DNAH8: variants seen among roughly 807,000 people sequenced by gnomAD.
DNAH8 encodes dynein axonemal heavy chain 8, also known as axonemal beta dynein heavy chain 8.
DNAH8 carries 382 observed loss-of-function variants against 562.1 expected under a neutral mutation model. The ratio of observed to expected loss-of-function variants is 0.68; its 90% CI spans 0.63 to 0.74. The LOEUF (loss-of-function observed/expected upper bound fraction) is 0.74. Ranked by LOEUF, DNAH8 falls within the 30% of genes least tolerant of loss-of-function variation. The probability of loss-of-function intolerance (pLI) is 0.00; values close to 1 mark genes in which losing one functional copy is unlikely to be tolerated. For missense variants in DNAH8, 5,203 were observed against 5,620.4 expected (o/e 0.93, Z 2.37); for synonymous variants, 1,881 against 1,919.4 (o/e 0.98, Z 0.52).
chr6:38,812,831 C>T (rs780613320), intron 24 of DNAH8, among the ~76,000 whole-genome samples: 10 of 152,142 alleles, frequency 6.6e-5, no homozygotes, highest in Admixed American at 2.6e-4. Context: ...AGGTAGTAAG[C>T]ATCTCTGAGC....
intron 11 of DNAH8, among the ~76,000 whole-genome samples, chr6:38,767,473 TAG>T (rs1767131369): frequency 6.6e-6 from 1 of 152,006 alleles, no homozygotes; most frequent in East Asian, 1.9e-4. Context: ...CTCTCTGCCC[TAG>T]CCCCTAGTAA....
chr6:38,958,406 T>A (rs1169389445), intron 82 of DNAH8, among the ~76,000 whole-genome samples: 1 of 115,898 alleles, frequency 8.6e-6, no homozygotes, highest in African/African-American at 2.9e-5. Context: ...AAAAAAGAGA[T>A]ATGACTGGAA....
At position 38,903,612 on chromosome 6, in the gene DNAH8, C is replaced by CTTTT. The variant is rs756414599; in HGVS notation, c.9195-2627_9195-2624dup. Among the ~76,000 whole-genome samples, 53 of 129,466 alleles carry CTTTT rather than the reference C, an allele frequency of 4.1e-4. 2 individuals carry two copies. The highest frequency in any genetic ancestry group is 5.0e-4 in the South Asian group (2 of 4,016). 84.9% of individuals were successfully genotyped at this position (129,466 alleles called of 152,430 possible). Reference sequence around the variant, plus strand: ...ATGTTTTCTTTTTCTTTCTTTCTTCCTTTTTTTTTTTTTTTTTTGAGAAGG... The same window carrying CTTTT: ...ATGTTTTCTTTTTCTTTCTTTCTTCCTTTTTTTTTTTTTTTTTTTTTTGAGAAGG... On this transcript the variant is annotated intron_variant, in intron 62 of 92. Transcript: ENST00000327475.
intron 52 of DNAH8, among the ~76,000 whole-genome samples, chr6:38,874,474 GTCC>G (rs2150442605): frequency 6.6e-6 from 1 of 151,202 alleles, no homozygotes; most frequent in East Asian, 2.0e-4. Context: ...GGCTCGAGCT[GTCC>G]TCCTGCCTTA....
At chr6:38,873,442 C>T in intron 52 of DNAH8, 66 bp downstream of exon 52, 3 of 1,399,164 alleles carry the variant, frequency 2.1e-6, no homozygotes, top group Non-Finnish European at 2.9e-6. Context: ...TTGCAGTTTA[C>T]AGCCATCTGA....
chr6:38,959,883 T>A (rs1265610336), intron 82 of DNAH8, among the ~76,000 whole-genome samples: 3 of 151,700 alleles, frequency 2.0e-5, no homozygotes, highest in Non-Finnish European at 2.9e-5. Flanking sequence ...AAAGCAATAG[T>A]AACCAAAACA....
intron 28 of DNAH8, 87 bp from the exon 29 acceptor site, chr6:38,826,069 A>G (rs1773292101): frequency 1.2e-6 from 1 of 806,880 alleles, no homozygotes. Flanking sequence ...GTTAGTGACT[A>G]CTGAATTGGA....
chr6:38,779,919 T>C, intron 14 of DNAH8, 47 bp from the exon 15 acceptor site: 1 of 1,527,932 alleles, frequency 6.5e-7, no homozygotes, highest in Non-Finnish European at 9.0e-7. Context: ...AAGTCTTAAG[T>C]ATATTTCTCA....
intron 28 of DNAH8, among the ~76,000 whole-genome samples, chr6:38,825,232 T>C (rs944562216): frequency 2.0e-5 from 3 of 152,150 alleles, no homozygotes; most frequent in African/African-American, 2.4e-5. Flanking sequence ...ATGGTTGTTC[T>C]TGGGCCACGC....
chr6:38,954,018 C>T (rs927562503), intron 82 of DNAH8, among the ~76,000 whole-genome samples: 46 of 151,730 alleles, frequency 3.0e-4, no homozygotes, highest in African/African-American at 5.3e-4. Context: ...ACCAGCTACC[C>T]GAAAATAACA....
rs1380620544 is a variant in DNAH8, at chr6:38,929,529, A to G, written c.11137A>G (p.Lys3713Glu). Reference sequence around the variant, plus strand: ...TGTTTAGGTGACATCTCTGAACCATAAATATTTTCGCACACACTTGGAGGA... The same window carrying G: ...TGTTTAGGTGACATCTCTGAACCATGAATATTTTCGCACACACTTGGAGGA... ...NDLQVTSLNH[K>E]YFRTHLEDSL... is the part of the protein sequence containing the mutation. The change falls in exon 75 of 93, where the codon AAA becomes GAA. Residue 3713 changes from lysine to glutamate, a missense_variant. Transcript: ENST00000327475. 3 of 1,612,466 alleles carry G rather than the reference A, an allele frequency of 1.9e-6. No homozygotes were observed. The highest frequency in any genetic ancestry group is 2.5e-6 in the Non-Finnish European group (3 of 1,179,172).
intron 88 of DNAH8, among the ~76,000 whole-genome samples, chr6:38,996,932 A>C (rs1765170825): frequency 6.6e-6 from 1 of 152,068 alleles, no homozygotes. Flanking sequence ...CTTTCACCAC[A>C]CTAGTGAGGT....
chr6:39,008,178 A>T (rs928992414), intron 88 of DNAH8, among the ~76,000 whole-genome samples: 1 of 151,932 alleles, frequency 6.6e-6, no homozygotes, highest in African/African-American at 2.4e-5. Flanking sequence ...GAACAGAACT[A>T]TGTCCTATTC....
intron 9 of DNAH8, among the ~76,000 whole-genome samples, chr6:38,754,045 A>G (rs752550903): frequency 5.9e-5 from 9 of 152,198 alleles, no homozygotes; most frequent in Admixed American, 4.6e-4. Flanking sequence ...GGAAAAGTGC[A>G]GGGGATTCAT....
At chr6:38,938,425 C>T (rs1783146702) in intron 78 of DNAH8, among the ~76,000 whole-genome samples, 199 bp downstream of exon 78, 1 of 152,152 alleles carries the variant, frequency 6.6e-6, no homozygotes, top group Non-Finnish European at 1.5e-5. Flanking sequence ...AAAGAATGAA[C>T]TCATGTCCTT....
chr6:38,737,211 C>T lies in DNAH8; in HGVS notation c.907C>T (p.His303Tyr), dbSNP rs760493851. The T allele has an allele frequency of 9.9e-6, 15 of 1,520,050 alleles. No individual in the cohort carries two copies. The East Asian group carries it at 3.6e-4, about 37-fold the overall frequency. The allele number at this position is 1,520,050 out of a possible 1,614,324, so 94.2% of individuals were successfully genotyped here. The change falls in exon 6 of 93, where the codon CAT becomes TAT. Residue 303 changes from histidine (H) to tyrosine (Y), a missense_variant. His to Tyr is a moderately conservative substitution (Grantham distance 83). Coordinates refer to ENST00000327475, the MANE Select transcript of DNAH8 (RefSeq NM_001206927.2). Reference protein sequence around the residue: ...NQSKQGESEKHIFTETINRYL... With the variant: ...NQSKQGESEKYIFTETINRYL... ...GTCCAAGCAGGGAGAATCTGAAAAA[C>T]ATATTTTCACTGAAACCATCAACAG...
chr6:38,862,592 G>T, intron 44 of DNAH8, 134 bp downstream of exon 44: 2 of 1,066,316 alleles, frequency 1.9e-6, no homozygotes, highest in South Asian at 1.8e-5. Context: ...GTATGATATT[G>T]CCATTTTTCT....
At chr6:38,732,006 A>G (rs919611674) in intron 4 of DNAH8, among the ~76,000 whole-genome samples, 1 of 152,166 alleles carries the variant, frequency 6.6e-6, no homozygotes, top group Admixed American at 6.6e-5. Context: ...GTGAGCCACC[A>G]CACCCAGCCT....
chr6:38,794,081 A>G (rs1387770399), intron 21 of DNAH8, among the ~76,000 whole-genome samples: 1 of 152,228 alleles, frequency 6.6e-6, no homozygotes, highest in Admixed American at 6.5e-5. Context: ...AGCTTCATAG[A>G]TTGTATAAAC....
Sources: allele counts gnomAD v4.1 joint callset (sites outside exome capture counted in the v4.1 genomes callset), GRCh38; gene constraint gnomAD v4.1.1; transcripts MANE v1.5; gene names NCBI Gene and HGNC (gene_info 2026-07-23, HGNC 2026-07-21).